The following SBNO1 variants were observed in gnomAD, a reference collection of about 807,000 sequenced individuals.
SBNO1 encodes strawberry notch homolog 1, also known as protein strawberry notch homolog 1.
In SBNO1, 23 loss-of-function variants were observed where a neutral mutation model predicts 173.6. The observed-to-expected ratio is 0.13, with a 90% CI of 0.10 to 0.19. SBNO1 has a LOEUF of 0.19. Among genes scored for constraint, SBNO1 ranks in the 10% least tolerant of loss-of-function variants. The pLI, the probability that SBNO1 is intolerant of heterozygous loss-of-function variation, is 1.00. For synonymous variants in SBNO1, 632 were observed against 571.5 expected, an observed-to-expected ratio of 1.11 and a Z score of -1.51; for missense variants, 1,238 against 1,671.2, an observed-to-expected ratio of 0.74 and a Z score of 4.52.
At chr12:123,324,189 A>C (rs1402069193) in intron 15 of SBNO1, among the ~76,000 whole-genome samples, 1 of 151,598 alleles carries the variant, frequency 6.6e-6, no homozygotes, top group East Asian at 1.9e-4. Flanking sequence ...CACATATAAT[A>C]ACATCTCAAT....
intron 30 of SBNO1, among the ~76,000 whole-genome samples, chr12:123,298,861 G>A (rs1164834986): frequency 6.6e-6 from 1 of 151,896 alleles, no homozygotes; most frequent in Non-Finnish European, 1.5e-5. Flanking sequence ...AGGCTGAGGA[G>A]GGAGTATTGT....
At chr12:123,326,380 A>G in intron 13 of SBNO1, 46 bp from the exon 14 acceptor site, 1 of 1,311,590 alleles carries the variant, frequency 7.6e-7, no homozygotes, top group Non-Finnish European at 1.0e-6. Flanking sequence ...CTTTGAGTCT[A>G]GTTATTTAAA....
At chr12:123,303,793 C>T (rs552464832) in intron 29 of SBNO1, among the ~76,000 whole-genome samples, 1 of 151,560 alleles carries the variant, frequency 6.6e-6, no homozygotes, top group South Asian at 2.1e-4. Context: ...CCATGAGTTC[C>T]AGACCAGCTC....
chr12:123,335,777 T>C (rs1011589610), intron 6 of SBNO1, among the ~76,000 whole-genome samples: 1 of 152,220 alleles, frequency 6.6e-6, no homozygotes, highest in South Asian at 2.1e-4. Flanking sequence ...CCATAAACTC[T>C]TTCAATCCTT....
At chr12:123,300,308 A>T (rs985412317) in intron 30 of SBNO1, among the ~76,000 whole-genome samples, 2 of 152,268 alleles carry the variant, frequency 1.3e-5, no homozygotes, top group Middle Eastern at 3.4e-3. Context: ...CAATCCTCTC[A>T]TCTTGATCTC....
chr12:123,301,911 G>A (rs1029250409), intron 30 of SBNO1, among the ~76,000 whole-genome samples: 2 of 151,648 alleles, frequency 1.3e-5, no homozygotes, highest in African/African-American at 4.8e-5. Context: ...AAACATGAAG[G>A]GAGAGTGACA....
Position 123,327,449 on chromosome 12 carries a change from T to C in SBNO1, c.1669A>G (p.Met557Val). Residue 557 changes from methionine (M) to valine (V), a missense_variant, in exon 13 of 32, where the codon ATG (methionine) becomes GTG (valine). Around this residue, in one of 14 missense-constraint regions of SBNO1, gnomAD observed 182 missense variants for 339.9 expected, o/e 0.54. Coordinates refer to ENST00000602398, the MANE Select transcript of SBNO1 (RefSeq NM_001167856.3). Reference sequence around the variant, plus strand: ...ACCAGCTTGACAGCTTTGTTATACATTTTAACGTAGCTCTGAGAAAGAAGA... The same window carrying C: ...ACCAGCTTGACAGCTTTGTTATACACTTTAACGTAGCTCTGAGAAAGAAGA... The part of the protein sequence containing the change: ...EVLLSQSYVK[M>V]YNKAVKLWVI... The C allele has an allele frequency of 6.2e-7, 1 of 1,613,598 alleles. No homozygotes were observed. The highest frequency in any genetic ancestry group is 8.5e-7 in the Non-Finnish European group (1 of 1,179,798).
At chr12:123,308,440 G>T (rs1381874658) in intron 28 of SBNO1, among the ~76,000 whole-genome samples, 1 of 152,164 alleles carries the variant, frequency 6.6e-6, no homozygotes, top group Non-Finnish European at 1.5e-5. Context: ...GGAGGCCAAG[G>T]CGGGCAGATC....
intron 28 of SBNO1, among the ~76,000 whole-genome samples, chr12:123,307,102 T>C (rs73231956): frequency 0.11 from 15,733 of 148,866 alleles, 1,167 homozygotes; most frequent in South Asian, 0.19. Flanking sequence ...GGTGGGAGGA[T>C]TGTCTGAGCC....
intron 4 of SBNO1, among the ~76,000 whole-genome samples, chr12:123,343,612 G>C (rs6488874): frequency 0.95 from 143,488 of 150,602 alleles, 68,477 homozygotes; most frequent in Non-Finnish European, 0.96. Flanking sequence ...CATCTCAGCT[G>C]ACTGCAACCT....
intron 5 of SBNO1, among the ~76,000 whole-genome samples, chr12:123,337,121 TAA>T (rs1330899271): frequency 6.6e-6 from 1 of 152,176 alleles, no homozygotes; most frequent in Non-Finnish European, 1.5e-5. Context: ...TGATCATATA[TAA>T]GATGGCCATA....
chr12:123,319,991 CCAT>C lies in SBNO1; in HGVS notation c.2705_2707del (p.Asp902del). Reference sequence around the variant, plus strand: ...AGATCTTGACTCATAAGATATGCTTCCATCATCATTGCTCACAACCCGTCCCTT... The same window carrying C: ...AGATCTTGACTCATAAGATATGCTTCCATCATTGCTCACAACCCGTCCCTT... On this transcript the variant is annotated inframe_deletion, in exon 20 of 32. Coordinates refer to ENST00000602398, the MANE Select transcript of SBNO1 (RefSeq NM_001167856.3). The C allele has an allele frequency of 6.2e-7, 1 of 1,614,028 alleles. No homozygotes were observed. Among genetic ancestry groups the C allele is most frequent in the South Asian group, 1.1e-5 (1 of 91,076 alleles).
chr12:123,355,423 T>C (rs1056669769), intron 1 of SBNO1, among the ~76,000 whole-genome samples: 2 of 152,036 alleles, frequency 1.3e-5, no homozygotes. Context: ...CTGGCCAACG[T>C]GGTGAAACCG....
intron 1 of SBNO1, among the ~76,000 whole-genome samples, chr12:123,353,690 C>T (rs1233569558): frequency 1.3e-5 from 2 of 152,160 alleles, no homozygotes; most frequent in African/African-American, 4.8e-5. Flanking sequence ...ATAATACGAA[C>T]AAGTACCTAG....
In SBNO1 at chr12:123,302,898, G is replaced by A. The variant is rs745651994; in HGVS notation, c.3771C>T (p.Val1257=). The change falls in exon 30 of 32, where the codon GTC becomes GTT. Residue 1257 remains valine, a splice_region_variant and synonymous_variant. Coordinates refer to ENST00000602398, the MANE Select transcript of SBNO1 (RefSeq NM_001167856.3). ...AGTGCATCAGGGCATCATCTGAGACGACCTGTAAAAATGAGAAGAATTTCA... is the reference window on the plus strand; with the variant it reads ...AGTGCATCAGGGCATCATCTGAGACAACCTGTAAAAATGAGAAGAATTTCA... ...YADLKKKYKK[V]VSDDALMHWL... 3 of 1,609,928 alleles carry A rather than the reference G, an allele frequency of 1.9e-6. No homozygotes were observed. Among genetic ancestry groups the A allele is most frequent in the Non-Finnish European group, 1.7e-6 (2 of 1,176,428 alleles).
chr12:123,347,097 C>G (rs1243854335), intron 3 of SBNO1, among the ~76,000 whole-genome samples: 1 of 143,762 alleles, frequency 7.0e-6, no homozygotes, highest in Non-Finnish European at 1.5e-5. Flanking sequence ...AAAAAAGAAA[C>G]AAGAATGAAA....
At chr12:123,318,630 G>A (rs1869582174) in intron 20 of SBNO1, among the ~76,000 whole-genome samples, 1 of 151,784 alleles carries the variant, frequency 6.6e-6, no homozygotes. Context: ...CTACTCGGGA[G>A]GCTGAGGCAC....
In SBNO1 at chr12:123,341,083, C is replaced by T. The variant is rs1343914213; in HGVS notation, c.556G>A (p.Val186Ile). ...AQPVATAATD[V>I]SNGTVKKESS... ...TCTTTCTTTACTGTACCATTGCTTA[C>T]ATCAGCTGAGGAGGAAAAAGTCAAA... is the stretch of plus-strand genomic sequence containing the variant. The change falls in exon 5 of 32, where the codon GTA (valine) becomes ATA (isoleucine). Residue 186 changes from valine to isoleucine, a missense_variant. Physicochemically the swap from Val to Ile is conservative, Grantham distance 29. This residue lies in a region of SBNO1 where 287 missense variants were observed against 274.1 expected (regional missense o/e 1.05). Transcript: ENST00000602398. The T allele has an allele frequency of 1.9e-6, 3 of 1,541,704 alleles. No individual in the cohort carries two copies. Among genetic ancestry groups the T allele is most frequent in the South Asian group, 1.2e-5 (1 of 83,732 alleles).
chr12:123,295,888 T>G lies in SBNO1; in HGVS notation c.*20A>C, dbSNP rs1385767647. The G allele has an allele frequency of 1.9e-6, 3 of 1,611,880 alleles. No homozygotes were observed. In the Admixed American group the frequency reaches 5.0e-5, roughly 27 times the overall value. On this transcript the variant is annotated 3_prime_UTR_variant, in exon 32 of 32. Transcript: ENST00000602398. ...TTCAACAGCATTTCAGATCCATCCATGTTGAAACCTGTCTGTTCTTCATGC... is the reference window on the plus strand; with the variant it reads ...TTCAACAGCATTTCAGATCCATCCAGGTTGAAACCTGTCTGTTCTTCATGC...
Sources: allele counts gnomAD v4.1 joint callset (sites outside exome capture counted in the v4.1 genomes callset), GRCh38; gene constraint gnomAD v4.1.1; regional missense constraint gnomAD v4.1.1; transcripts MANE v1.5; gene names NCBI Gene and HGNC (gene_info 2026-07-23, HGNC 2026-07-21).